OTOG: variants seen among roughly 807,000 people sequenced by gnomAD.
The protein encoded by OTOG is otogelin.
In OTOG, 296 loss-of-function variants were observed where a neutral mutation model predicts 313.8. The ratio of observed to expected loss-of-function variants is 0.94; its 90% confidence interval spans 0.86 to 1.04. The LOEUF is 1.04. Among genes scored for constraint, OTOG ranks in the 50% least tolerant of loss-of-function variants. OTOG has a pLI of 0.00. For missense variants in OTOG, 3,948 were observed against 3,840.1 expected, an observed-to-expected ratio of 1.03 and a Z score of -0.74; for synonymous variants, 1,533 against 1,554.9, an observed-to-expected ratio of 0.99 and a Z score of 0.33.
intron 15 of OTOG, among the ~76,000 whole-genome samples, chr11:17,564,857 C>T (rs1298476073): frequency 6.6e-6 from 1 of 152,212 alleles, no homozygotes; most frequent in African/African-American, 2.4e-5. Flanking sequence ...GGAGGCAGAG[C>T]TGAGCCCGAC....
At chr11:17,606,970 G>A (rs909786194) in intron 33 of OTOG, among the ~76,000 whole-genome samples, 1 of 152,200 alleles carries the variant, frequency 6.6e-6, no homozygotes, top group Non-Finnish European at 1.5e-5. Flanking sequence ...GTCCCTCTCC[G>A]GAAGACACTA....
chr11:17,574,040 AT>A (rs1565099137), intron 19 of OTOG, among the ~76,000 whole-genome samples: 1 of 152,194 alleles, frequency 6.6e-6, no homozygotes, highest in Non-Finnish European at 1.5e-5. Context: ...CGAAGGCAAC[AT>A]ATCTGGCAGT....
Position 17,624,771 on chromosome 11 carries a change from A to T in OTOG, c.6529-4362A>T, listed in dbSNP as rs537959819. 3.3e-5 allele frequency among the ~76,000 whole-genome samples: 5 copies of T among 152,156 alleles called. No individual in the cohort carries two copies. The East Asian group carries it at 9.7e-4, about 29-fold the overall frequency. On this transcript the variant is annotated intron_variant, in intron 39 of 55. Transcript: ENST00000399397. ...CAGTATGGCCATTTTAACAATATTG[A>T]TTCTCCCTATCAATGAGCATGGACA...
rs1322389257 is a variant in OTOG, at chr11:17,641,874, C to G, written c.8218C>G (p.Leu2740Val). The change falls in exon 52 of 56, where the codon CTC becomes GTC. Residue 2740 changes from leucine to valine, a missense_variant. Physicochemically the swap from Leu to Val is conservative, Grantham distance 32. Coordinates refer to ENST00000399397, the MANE Select transcript of OTOG (RefSeq NM_001292063.2). ...ANQEYEHPRD[L>V]AACCGSCRNV... ...CCAGGAGTACGAGCACCCGCGGGAC[C>G]TCGCTGCCTGCTGCGGCTCCTGCAG... is the stretch of plus-strand genomic sequence containing the variant. 1 of 1,550,316 alleles carries G rather than the reference C, an allele frequency of 6.5e-7. No homozygotes were observed. Among genetic ancestry groups the G allele is most frequent in the East Asian group, 2.4e-5 (1 of 40,898 alleles).
At chr11:17,552,307 C>T (rs1286590087) in intron 4 of OTOG, among the ~76,000 whole-genome samples, 1 of 152,218 alleles carries the variant, frequency 6.6e-6, no homozygotes, top group African/African-American at 2.4e-5. Context: ...TGGCCCGGGA[C>T]TGCCCCCTCA....
At chr11:17,639,371 T>C in intron 48 of OTOG, 52 bp from the exon 49 acceptor site, 2 of 1,535,970 alleles carry the variant, frequency 1.3e-6, no homozygotes, top group Admixed American at 2.0e-5. Context: ...CCCAGGGGAT[T>C]CCTACCTGGA....
At position 17,635,120 on chromosome 11, in the gene OTOG, C is replaced by T. The variant is rs1334788434; in HGVS notation, c.7626C>T (p.Ser2542=). Residue 2542 remains serine (S), a synonymous_variant, in exon 46 of 56, where the codon AGC becomes AGT. Transcript: ENST00000399397. ...TCTGTGAGGCAGAGCTGGTCCCCAG[C>T]TGCCGACAGGACCAGATCCTGATCA... ...PDLCEAELVP[S]CRQDQILITG... The T allele has an allele frequency of 6.5e-7, 1 of 1,549,266 alleles. No individual in the cohort carries two copies. The highest frequency in any genetic ancestry group is 2.4e-5 in the East Asian group (1 of 40,888).
intron 14 of OTOG, 96 bp from the exon 15 acceptor site, chr11:17,561,566 G>C: frequency 7.7e-7 from 1 of 1,299,368 alleles, no homozygotes; most frequent in Non-Finnish European, 1.1e-6. Flanking sequence ...TTATTCTGGA[G>C]GGCAGGGTGC....
At chr11:17,631,392 G>T (rs901143238) in intron 40 of OTOG, among the ~76,000 whole-genome samples, 13 of 149,148 alleles carry the variant, frequency 8.7e-5, no homozygotes, top group African/African-American at 2.8e-4. Context: ...GTGTGTGTGG[G>T]GGGGGGTATA....
rs1308114663 is a variant in OTOG at position 17,608,325 on chromosome 11, A to C, written c.4186A>C (p.Ile1396Leu). Residue 1396 changes from isoleucine (I) to leucine (L), a missense_variant, in exon 34 of 56, where the codon ATC becomes CTC. Coordinates refer to ENST00000399397, the MANE Select transcript of OTOG (RefSeq NM_001292063.2). ...DAKPSGAAYP[I>L]CEWRYDACAS... Reference sequence around the variant, plus strand: ...CAAGCCCTCGGGGGCTGCCTACCCCATCTGCGAGTGGCGCTACGATGCCTG... The same window carrying C: ...CAAGCCCTCGGGGGCTGCCTACCCCCTCTGCGAGTGGCGCTACGATGCCTG... The C allele has an allele frequency of 3.9e-6, 6 of 1,545,394 alleles. No individual in the cohort carries two copies. The South Asian group carries it at 7.2e-5, about 19-fold the overall frequency.
At chr11:17,644,070 C>T (rs1203726832) in intron 54 of OTOG, among the ~76,000 whole-genome samples, 1 of 152,230 alleles carries the variant, frequency 6.6e-6, no homozygotes, top group African/African-American at 2.4e-5. Context: ...TCTCTGGGGG[C>T]AAGGGAGGGG....
chr11:17,622,903 T>G (rs1853898203), intron 39 of OTOG, among the ~76,000 whole-genome samples: 1 of 152,226 alleles, frequency 6.6e-6, no homozygotes, highest in African/African-American at 2.4e-5. Context: ...CTATTTTTAG[T>G]GTTTTGAGGA....
At chr11:17,560,614 A>T in intron 12 of OTOG, 95 bp from the exon 13 acceptor site, 1 of 854,616 alleles carries the variant, frequency 1.2e-6, no homozygotes. Flanking sequence ...GAAAGAAGTT[A>T]GATAAGGGGA....
intron 39 of OTOG, among the ~76,000 whole-genome samples, chr11:17,615,433 A>G (rs1161361627): frequency 6.6e-6 from 1 of 152,224 alleles, no homozygotes; most frequent in Non-Finnish European, 1.5e-5. Context: ...CCAAAGTCAC[A>G]CAGAATCTCT....
At position 17,570,197 on chromosome 11, in the gene OTOG, T is replaced by C. The variant is rs1237685705; in HGVS notation, c.1778-16T>C. The stretch of plus-strand genomic sequence containing the variant: ...TGGCTGCCCTCCCACTCTCTCCTTT[T>C]GGATTCTGTGCCCAGATGCCTTTGA... On this transcript the variant is annotated splice_polypyrimidine_tract_variant and intron_variant, in intron 16 of 55. Coordinates refer to ENST00000399397, the MANE Select transcript of OTOG (RefSeq NM_001292063.2). 13 of 1,549,478 alleles carry C rather than the reference T, an allele frequency of 8.4e-6. No homozygotes were observed. Among genetic ancestry groups the C allele is most frequent in the Non-Finnish European group, 1.1e-5 (13 of 1,146,166 alleles).
chr11:17,561,942 A>G (rs1453302738), intron 15 of OTOG, 135 bp downstream of exon 15: 5 of 1,115,124 alleles, frequency 4.5e-6, no homozygotes, highest in Non-Finnish European at 6.3e-6. Context: ...TGGGGAGAAG[A>G]CTGGACTCCA....
At position 17,641,243 on chromosome 11, in the gene OTOG, G is replaced by A. The variant is rs572571567; in HGVS notation, c.8190+152G>A. The stretch of plus-strand genomic sequence containing the variant: ...CAGAAACCTCTGTAGAAAGTGCCAA[G>A]AAAGGGACTAGGTTGGGAGAGGCCA... On this transcript the variant is annotated intron_variant, in intron 51 of 55. Coordinates refer to ENST00000399397, the MANE Select transcript of OTOG (RefSeq NM_001292063.2). Among the ~76,000 whole-genome samples the A allele has an allele frequency of 1.1e-3, 164 of 152,306 alleles. 1 individual carries two copies. Among genetic ancestry groups the A allele is most frequent in the African/African-American group, 3.6e-3 (149 of 41,564 alleles).
intron 3 of OTOG, among the ~76,000 whole-genome samples, chr11:17,549,575 C>T (rs1368191784): frequency 6.6e-6 from 1 of 152,138 alleles, no homozygotes; most frequent in Non-Finnish European, 1.5e-5. Context: ...CTTGTGGGGG[C>T]CCTGCAATGA....
intron 46 of OTOG, 51 bp downstream of exon 46, chr11:17,635,238 C>T (rs1221267770): frequency 4.3e-5 from 61 of 1,426,878 alleles, no homozygotes; most frequent in Non-Finnish European, 5.6e-5. Flanking sequence ...CACAGTCCGC[C>T]GGCCTCACCC....
Sources: allele counts gnomAD v4.1 joint callset (sites outside exome capture counted in the v4.1 genomes callset), GRCh38; gene constraint gnomAD v4.1.1; transcripts MANE v1.5; gene names NCBI Gene and HGNC (gene_info 2026-07-23, HGNC 2026-07-21).